DOCK3: variants seen among roughly 807,000 people sequenced by gnomAD.
DOCK3 encodes the protein dedicator of cytokinesis protein 3.
DOCK3 carries 60 observed loss-of-function variants against 265.6 expected under a neutral mutation model. The observed-to-expected ratio is 0.23, with a 90% CI of 0.18 to 0.28. DOCK3 has a LOEUF of 0.28. Among genes scored for constraint, DOCK3 ranks in the 10% least tolerant of loss-of-function variants. DOCK3 has a pLI of 1.00. For synonymous variants in DOCK3, 881 were observed against 938.0 expected (o/e 0.94, Z 1.11); for missense variants, 1,981 against 2,594.3 (o/e 0.76, Z 5.14).
intron 12 of DOCK3, among the ~76,000 whole-genome samples, chr3:51,183,043 C>CAGGTTCATA (rs2087395111): frequency 6.6e-6 from 1 of 152,182 alleles, no homozygotes; most frequent in Non-Finnish European, 1.5e-5. Context: ...TTAAGTCTGC[C>CAGGTTCATA]AGGTTCATAA....
intron 3 of DOCK3, among the ~76,000 whole-genome samples, chr3:50,860,417 C>T (rs1472471263): frequency 1.3e-5 from 2 of 152,096 alleles, no homozygotes; most frequent in African/African-American, 2.4e-5. Context: ...GGAGGACTTA[C>T]CCAGTGAGGA....
chr3:51,016,934 A>ATATATG lies in DOCK3; in HGVS notation c.316-47514_316-47513insTATATG, dbSNP rs2079362524. On this transcript the variant is annotated intron_variant, in intron 5 of 52. Transcript: ENST00000266037. The stretch of plus-strand genomic sequence containing the variant: ...TATATATAAATATATTAATATATAC[A>ATATATG]ATATATGTTATATATAATATATATA... 2.7e-5 allele frequency among the ~76,000 whole-genome samples: 2 copies of ATATATG among 74,324 alleles called. 1 individual carries two copies. The highest frequency in any genetic ancestry group is 1.4e-4 in the African/African-American group (2 of 14,660). 48.8% of individuals were successfully genotyped at this position (74,324 alleles called of 152,430 possible).
At chr3:51,017,221 T>G (rs964405868) in intron 5 of DOCK3, among the ~76,000 whole-genome samples, 2 of 151,142 alleles carry the variant, frequency 1.3e-5, no homozygotes, top group African/African-American at 4.9e-5. Flanking sequence ...GTATCAGTTG[T>G]GATGTCTCCT....
intron 5 of DOCK3, among the ~76,000 whole-genome samples, chr3:51,054,927 A>G (rs536181181): frequency 4.0e-5 from 6 of 151,616 alleles, no homozygotes; most frequent in South Asian, 2.1e-4. Flanking sequence ...TCCAATATCT[A>G]TTTTTCTGAT....
intron 5 of DOCK3, among the ~76,000 whole-genome samples, chr3:51,050,811 G>A (rs2109113353): frequency 6.6e-6 from 1 of 152,020 alleles, no homozygotes; most frequent in East Asian, 1.9e-4. Context: ...TCTTCCAGAG[G>A]TACCCAGAAA....
chr3:50,884,290 C>T (rs926649348), intron 3 of DOCK3, among the ~76,000 whole-genome samples: 1 of 151,040 alleles, frequency 6.6e-6, no homozygotes, highest in Admixed American at 6.8e-5. Context: ...AGGATTTCGC[C>T]ATGTTGGCAA....
chr3:51,308,959 G>T (rs1436328340), intron 27 of DOCK3, among the ~76,000 whole-genome samples: 1 of 152,132 alleles, frequency 6.6e-6, no homozygotes, highest in African/African-American at 2.4e-5. Flanking sequence ...TCGCGGCCGG[G>T]CAGAGGTGCT....
intron 12 of DOCK3, among the ~76,000 whole-genome samples, chr3:51,184,323 A>AG (rs906771129): frequency 8.6e-5 from 13 of 151,576 alleles, no homozygotes; most frequent in African/African-American, 3.1e-4. Flanking sequence ...AAACAAAAAA[A>AG]AAAAAAAGAA....
intron 9 of DOCK3, among the ~76,000 whole-genome samples, chr3:51,096,443 A>G (rs748223719): frequency 6.6e-6 from 1 of 151,620 alleles, no homozygotes; most frequent in Non-Finnish European, 1.5e-5. Flanking sequence ...GGCTATTGAT[A>G]CTTGTGTATG....
At chr3:50,918,634 A>G (rs566377390) in intron 4 of DOCK3, among the ~76,000 whole-genome samples, 16 of 152,050 alleles carry the variant, frequency 1.1e-4, no homozygotes, top group South Asian at 2.1e-4. Flanking sequence ...AAATTTGTTT[A>G]AGTTCTTTGT....
chr3:51,153,587 C>T (rs550722518), intron 10 of DOCK3, among the ~76,000 whole-genome samples: 119 of 152,278 alleles, frequency 7.8e-4, no homozygotes, highest in Non-Finnish European at 8.7e-4. Flanking sequence ...TCTTCTGCGT[C>T]GATCATGCTG....
chr3:50,942,010 C>T (rs1368358053), intron 5 of DOCK3, among the ~76,000 whole-genome samples: 1 of 151,946 alleles, frequency 6.6e-6, no homozygotes, highest in African/African-American at 2.4e-5. Flanking sequence ...CATGTGGTTT[C>T]TTTGTAATGG....
In DOCK3 at chr3:51,362,446, G is replaced by A. The variant is rs758811843; in HGVS notation, c.5146-81G>A. 1.3e-4 allele frequency: 207 copies of A among 1,568,948 alleles called. No individual in the cohort carries two copies. In the South Asian group the frequency reaches 1.4e-3, roughly 10 times the overall value. ...AGGCACTGGGGCAGAACACCTCAGG[G>A]CATGAAAAAGCAAACTCTGTGCCAG... On this transcript the variant is annotated intron_variant, in intron 48 of 52. Transcript: ENST00000266037.
At chr3:51,083,740 T>C (rs1487746280) in intron 7 of DOCK3, among the ~76,000 whole-genome samples, 1 of 152,126 alleles carries the variant, frequency 6.6e-6, no homozygotes, top group South Asian at 2.1e-4. Flanking sequence ...CCCAGCACTT[T>C]AGGAGGCCAA....
At chr3:51,115,366 G>A (rs1428203741) in intron 9 of DOCK3, among the ~76,000 whole-genome samples, 1 of 152,054 alleles carries the variant, frequency 6.6e-6, no homozygotes, top group African/African-American at 2.4e-5. Flanking sequence ...ATCTCACTGT[G>A]GTTTTGATTT....
chr3:50,782,569 T>C (rs1340082018), intron 2 of DOCK3, among the ~76,000 whole-genome samples: 2 of 107,328 alleles, frequency 1.9e-5, no homozygotes, highest in East Asian at 5.5e-4. Flanking sequence ...GGACCTGTTA[T>C]TTTTTGAGTG....
At chr3:51,068,010 G>A (rs2081667770) in intron 6 of DOCK3, among the ~76,000 whole-genome samples, 1 of 152,002 alleles carries the variant, frequency 6.6e-6, no homozygotes, top group African/African-American at 2.4e-5. Context: ...TTTAGCACAT[G>A]TTAGCATGTG....
At chr3:51,372,392 T>C (rs1461131955) in intron 49 of DOCK3, among the ~76,000 whole-genome samples, 1 of 152,242 alleles carries the variant, frequency 6.6e-6, no homozygotes, top group Non-Finnish European at 1.5e-5. Flanking sequence ...TTAAAAATTT[T>C]AGTGGTGGCA....
chr3:51,248,072 T>G (rs2078923803), intron 22 of DOCK3, among the ~76,000 whole-genome samples: 1 of 152,230 alleles, frequency 6.6e-6, no homozygotes, highest in Admixed American at 6.5e-5. Flanking sequence ...CCTACCATGC[T>G]TCAGACACTG....
Sources: allele counts gnomAD v4.1 joint callset (sites outside exome capture counted in the v4.1 genomes callset), GRCh38; gene constraint gnomAD v4.1.1; transcripts MANE v1.5; gene names NCBI Gene and HGNC (gene_info 2026-07-23, HGNC 2026-07-21).